Variants in GSK3B observed in about 807,000 individuals in gnomAD.
GSK3B encodes glycogen synthase kinase 3 beta.
A neutral mutation model predicts 56.4 loss-of-function variants in GSK3B; 15 were observed. The ratio of observed to expected loss-of-function variants is 0.27; its 90% CI spans 0.18 to 0.41. GSK3B has a LOEUF of 0.41. Among genes scored for constraint, GSK3B ranks in the 10% least tolerant of loss-of-function variants. The pLI is 1.00. For missense variants in GSK3B, 300 were observed against 513.4 expected, an observed-to-expected ratio of 0.58 and a Z score of 4.02; for synonymous variants, 181 against 188.9, an observed-to-expected ratio of 0.96 and a Z score of 0.34.
intron 1 of GSK3B, among the ~76,000 whole-genome samples, chr3:120,049,292 A>C (rs1168285807): frequency 6.6e-6 from 1 of 152,236 alleles, no homozygotes; most frequent in Non-Finnish European, 1.5e-5. Context: ...TTCTTGAGGG[A>C]ATATTCAGTG....
intron 2 of GSK3B, among the ~76,000 whole-genome samples, chr3:119,954,140 T>TA (rs1368046116): frequency 6.6e-6 from 1 of 152,080 alleles, no homozygotes; most frequent in Non-Finnish European, 1.5e-5. Context: ...CCAGCTTCTG[T>TA]AATTTCTTCT....
intron 2 of GSK3B, among the ~76,000 whole-genome samples, chr3:119,953,595 T>A (rs913325051): frequency 3.3e-5 from 5 of 152,216 alleles, no homozygotes; most frequent in African/African-American, 1.2e-4. Context: ...AATCACTTTA[T>A]AATCTGGCCT....
intron 7 of GSK3B, among the ~76,000 whole-genome samples, chr3:119,905,187 TTAAATAAAATTTAAAA>T (rs1224426993): frequency 2.0e-5 from 3 of 151,586 alleles, no homozygotes; most frequent in Non-Finnish European, 4.4e-5. Flanking sequence ...TTATTCAGCT[TTAAATAAAATTTAAAA>T]TAAATAAAAT....
chr3:120,088,848 CCTGT>C (rs745755078), intron 1 of GSK3B, among the ~76,000 whole-genome samples: 94 of 152,332 alleles, frequency 6.2e-4, no homozygotes, highest in South Asian at 6.2e-4. Flanking sequence ...AATCTCACAT[CCTGT>C]CTGTCATCTC....
At chr3:120,032,956 C>T (rs908461503) in intron 1 of GSK3B, among the ~76,000 whole-genome samples, 1 of 152,186 alleles carries the variant, frequency 6.6e-6, no homozygotes, top group Non-Finnish European at 1.5e-5. Context: ...AACCATCACC[C>T]CAATCAATTT....
chr3:119,851,432 G>A (rs893518354), intron 9 of GSK3B, among the ~76,000 whole-genome samples: 2 of 152,138 alleles, frequency 1.3e-5, no homozygotes, highest in African/African-American at 4.8e-5. Context: ...TTGATAAAAT[G>A]GGACAGGTAA....
At chr3:119,912,329 A>G (rs2056742251) in intron 6 of GSK3B, among the ~76,000 whole-genome samples, 1 of 152,116 alleles carries the variant, frequency 6.6e-6, no homozygotes, top group African/African-American at 2.4e-5. Context: ...ATCAAAGACC[A>G]CTGATCATAG....
At chr3:119,921,579 T>C (rs1157214324) in intron 4 of GSK3B, among the ~76,000 whole-genome samples, 3 of 152,038 alleles carry the variant, frequency 2.0e-5, no homozygotes, top group Non-Finnish European at 4.4e-5. Flanking sequence ...TTCAGCAAAA[T>C]CCAGACCAAG....
intron 1 of GSK3B, among the ~76,000 whole-genome samples, chr3:120,019,138 TAC>T: frequency 6.6e-6 from 1 of 152,242 alleles, no homozygotes; most frequent in Non-Finnish European, 1.5e-5. Context: ...ATTTTACTTT[TAC>T]TTTTCATACA....
intron 7 of GSK3B, among the ~76,000 whole-genome samples, chr3:119,892,520 G>A (rs2056514482): frequency 6.6e-6 from 1 of 152,116 alleles, no homozygotes; most frequent in African/African-American, 2.4e-5. Flanking sequence ...ATTCTGCTCA[G>A]ACATCTGGAA....
chr3:120,092,887 T>C (rs1213566435), intron 1 of GSK3B, among the ~76,000 whole-genome samples: 1 of 152,238 alleles, frequency 6.6e-6, no homozygotes, highest in Non-Finnish European at 1.5e-5. Context: ...AACGTCTCTA[T>C]TAAGTATATC....
At chr3:120,093,118 G>C (rs1270744652) in intron 1 of GSK3B, among the ~76,000 whole-genome samples, 7 of 152,110 alleles carry the variant, frequency 4.6e-5, no homozygotes, top group African/African-American at 1.7e-4. Context: ...GTTTGAAATC[G>C]AATCATCCAA....
At chr3:119,896,358 A>C (rs928588609) in intron 7 of GSK3B, among the ~76,000 whole-genome samples, 1 of 152,124 alleles carries the variant, frequency 6.6e-6, no homozygotes, top group Non-Finnish European at 1.5e-5. Flanking sequence ...ATTTCAGCTA[A>C]AGTGGTATTC....
intron 3 of GSK3B, among the ~76,000 whole-genome samples, chr3:119,924,111 T>G (rs992353411): frequency 1.2e-4 from 18 of 152,246 alleles, no homozygotes; most frequent in Non-Finnish European, 7.3e-5. Context: ...AGGCAACGTG[T>G]TACCATACTC....
intron 9 of GSK3B, among the ~76,000 whole-genome samples, chr3:119,862,914 G>A (rs533338410): frequency 6.6e-6 from 1 of 152,156 alleles, no homozygotes; most frequent in African/African-American, 2.4e-5. Flanking sequence ...GCCAGTCTCA[G>A]AGGGGATGGA....
At chr3:119,862,970 G>A (rs2056128460) in intron 9 of GSK3B, among the ~76,000 whole-genome samples, 3 of 152,002 alleles carry the variant, frequency 2.0e-5, no homozygotes, top group African/African-American at 7.2e-5. Context: ...GGGTTTATAG[G>A]GCTCTACTTT....
At chr3:120,005,272 T>G (rs2057717042) in intron 1 of GSK3B, among the ~76,000 whole-genome samples, 1 of 151,944 alleles carries the variant, frequency 6.6e-6, no homozygotes, top group Non-Finnish European at 1.5e-5. Flanking sequence ...AAATACGGCA[T>G]TATGTGAAAA....
intron 1 of GSK3B, among the ~76,000 whole-genome samples, chr3:120,072,859 T>C (rs1245491119): frequency 6.6e-6 from 1 of 152,214 alleles, no homozygotes; most frequent in East Asian, 1.9e-4. Context: ...ACACTTCTGT[T>C]CTTGCCTTGG....
intron 3 of GSK3B, among the ~76,000 whole-genome samples, chr3:119,937,535 C>G (rs562554528): frequency 1.3e-5 from 2 of 152,118 alleles, no homozygotes; most frequent in Admixed American, 1.3e-4. Flanking sequence ...TCCTTTATAG[C>G]AGCACTAAAC....
Sources: gnomAD v4.1 joint callset for allele counts (sites outside exome capture counted in the v4.1 genomes callset) on GRCh38, gnomAD v4.1.1 for gene constraint, MANE v1.5 for transcripts, NCBI Gene and HGNC (gene_info 2026-07-23, HGNC 2026-07-21) for gene names.